The following DPP6 variants were observed in gnomAD, a reference collection of about 807,000 sequenced individuals.
DPP6 encodes dipeptidyl peptidase like 6.
In DPP6, 69 loss-of-function variants were observed where a neutral mutation model predicts 122.6. The ratio of observed to expected loss-of-function variants is 0.56; its 90% CI spans 0.46 to 0.69. The LOEUF is 0.69. Ranked by LOEUF, DPP6 falls within the 30% of genes least tolerant of loss-of-function variation. The probability of loss-of-function intolerance (pLI) is 0.00; values close to 1 mark genes in which losing one functional copy is unlikely to be tolerated. For synonymous variants in DPP6, 418 were observed against 433.1 expected, an observed-to-expected ratio of 0.97 and a Z score of 0.43; for missense variants, 928 against 1,116.9, an observed-to-expected ratio of 0.83 and a Z score of 2.41.
At chr7:154,549,747 C>G (rs1829491656) in intron 4 of DPP6, among the ~76,000 whole-genome samples, 1 of 152,114 alleles carries the variant, frequency 6.6e-6, no homozygotes, top group Non-Finnish European at 1.5e-5. Context: ...ACCTTATCAT[C>G]GCATGTGGGC....
intron 1 of DPP6, among the ~76,000 whole-genome samples, chr7:154,321,041 TG>T (rs1353766430): frequency 2.6e-5 from 4 of 152,168 alleles, no homozygotes; most frequent in Non-Finnish European, 4.4e-5. Flanking sequence ...TTCTCTGCAT[TG>T]ATAGAATTTA....
At chr7:154,207,396 G>T (rs1325264089) in intron 1 of DPP6, among the ~76,000 whole-genome samples, 1 of 152,144 alleles carries the variant, frequency 6.6e-6, no homozygotes, top group African/African-American at 2.4e-5. Context: ...AAAAAATCTA[G>T]CATTAACACC....
At chr7:153,955,386 C>G (rs1802412582) in intron 1 of DPP6, among the ~76,000 whole-genome samples, 1 of 151,990 alleles carries the variant, frequency 6.6e-6, no homozygotes, top group Non-Finnish European at 1.5e-5. Flanking sequence ...TATGTGTTAC[C>G]TTATTTAATT....
At chr7:153,989,444 G>T (rs1293908994) in intron 1 of DPP6, among the ~76,000 whole-genome samples, 1 of 151,490 alleles carries the variant, frequency 6.6e-6, no homozygotes, top group Non-Finnish European at 1.5e-5. Context: ...GGCATTTGAG[G>T]AGGGGCTCGG....
rs904124098 is a variant in DPP6 at position 154,224,811 on chromosome 7, A to T, written c.243+171748A>T. ...GATGACGTAAGAGGGCTTTTGCAAC[A>T]TATGATCAGTTCCTTCATTGTTAAC... On this transcript the variant is annotated intron_variant, in intron 1 of 25. Transcript: ENST00000377770. Among the ~76,000 whole-genome samples, 28 of 149,338 alleles carry T rather than the reference A, an allele frequency of 1.9e-4. 1 individual carries two copies. The highest frequency in any genetic ancestry group is 1.5e-3 in the Admixed American group (23 of 15,146).
At chr7:154,086,950 CAT>C (rs1273246905) in intron 1 of DPP6, among the ~76,000 whole-genome samples, 2 of 152,196 alleles carry the variant, frequency 1.3e-5, no homozygotes, top group African/African-American at 2.4e-5. Flanking sequence ...CTCACCCACA[CAT>C]ATAACATTAC....
At chr7:154,018,946 G>A (rs1018978894) in intron 1 of DPP6, among the ~76,000 whole-genome samples, 2 of 152,114 alleles carry the variant, frequency 1.3e-5, no homozygotes, top group Non-Finnish European at 2.9e-5. Context: ...AAAGTTTTAA[G>A]TACAGCCCTT....
intron 1 of DPP6, among the ~76,000 whole-genome samples, chr7:154,167,256 G>A (rs1455487415): frequency 2.0e-5 from 3 of 152,164 alleles, no homozygotes; most frequent in African/African-American, 4.8e-5. Flanking sequence ...GAGAGGGTGG[G>A]TAGGCAAATA....
chr7:154,485,223 G>A (rs963673906), intron 3 of DPP6, among the ~76,000 whole-genome samples: 1 of 152,146 alleles, frequency 6.6e-6, no homozygotes, highest in Non-Finnish European at 1.5e-5. Context: ...CTCTGAGAGT[G>A]TTTGGAGAGC....
At chr7:154,494,000 G>C (rs1824508865) in intron 3 of DPP6, among the ~76,000 whole-genome samples, 2 of 152,196 alleles carry the variant, frequency 1.3e-5, no homozygotes, top group Non-Finnish European at 2.9e-5. Flanking sequence ...ATCTTACTTA[G>C]ATGGAAAGTG....
chr7:154,136,691 G>A (rs1175954971), intron 1 of DPP6, among the ~76,000 whole-genome samples: 1 of 152,092 alleles, frequency 6.6e-6, no homozygotes, highest in Non-Finnish European at 1.5e-5. Context: ...ATACCTCAAA[G>A]ACAGTTTTCT....
At chr7:154,728,431 G>A (rs1176258562) in intron 8 of DPP6, among the ~76,000 whole-genome samples, 1 of 152,198 alleles carries the variant, frequency 6.6e-6, no homozygotes, top group East Asian at 1.9e-4. Flanking sequence ...GACTCATGCT[G>A]TATACATTAT....
chr7:154,781,642 A>G (rs1797037638), intron 10 of DPP6, among the ~76,000 whole-genome samples: 1 of 152,192 alleles, frequency 6.6e-6, no homozygotes, highest in Non-Finnish European at 1.5e-5. Flanking sequence ...CTTGGTATTT[A>G]GGGTCGTTTC....
chr7:154,754,317 G>T (rs1047962545), intron 8 of DPP6, among the ~76,000 whole-genome samples: 1 of 152,108 alleles, frequency 6.6e-6, no homozygotes, highest in African/African-American at 2.4e-5. Flanking sequence ...TTTGTTTTGT[G>T]GCGAAAAAAT....
the DPP6 span, among the ~76,000 whole-genome samples, chr7:153,811,101 T>G: frequency 6.6e-6 from 1 of 151,948 alleles, no homozygotes; most frequent in African/African-American, 2.4e-5. Flanking sequence ...GAATGACGGA[T>G]GAGTCAGGGA....
Position 154,487,177 on chromosome 7 carries a change from T to C in DPP6, c.457+12140T>C, listed in dbSNP as rs144044701. Among the ~76,000 whole-genome samples, 23 of 152,268 alleles carry C rather than the reference T, an allele frequency of 1.5e-4. No individual in the cohort carries two copies. In the East Asian group the frequency reaches 4.4e-3, roughly 29 times the overall value. ...TTGATTTAGGGAAATAAATATTTGATTTTGTGTGTATATACGTGTATACGT... is the reference window on the plus strand; with the variant it reads ...TTGATTTAGGGAAATAAATATTTGACTTTGTGTGTATATACGTGTATACGT... On this transcript the variant is annotated intron_variant, in intron 3 of 25. Transcript: ENST00000377770.
At chr7:154,365,382 G>A (rs1027807308) in intron 1 of DPP6, among the ~76,000 whole-genome samples, 1 of 152,206 alleles carries the variant, frequency 6.6e-6, no homozygotes, top group Non-Finnish European at 1.5e-5. Context: ...GACAAGGTGC[G>A]ATCTCCACTT....
chr7:154,574,565 TAA>T (rs1353596697), intron 5 of DPP6, among the ~76,000 whole-genome samples: 2 of 140,136 alleles, frequency 1.4e-5, no homozygotes, highest in South Asian at 2.4e-4. Context: ...GGTATGTGTA[TAA>T]GTGTGTGGTG....
chr7:154,204,711 T>C (rs1016282499), intron 1 of DPP6, among the ~76,000 whole-genome samples: 1 of 152,084 alleles, frequency 6.6e-6, no homozygotes, highest in African/African-American at 2.4e-5. Flanking sequence ...TGTGGCAAGA[T>C]TTATTCTGTA....
Sources: allele counts gnomAD v4.1 joint callset (sites outside exome capture counted in the v4.1 genomes callset), GRCh38; gene constraint gnomAD v4.1.1; transcripts MANE v1.5; gene names NCBI Gene and HGNC (gene_info 2026-07-23, HGNC 2026-07-21).